Variants in IFI44 observed in about 807,000 individuals in gnomAD.
IFI44 encodes interferon induced protein 44.
IFI44 carries 42 observed loss-of-function variants against 45.0 expected under a neutral mutation model. That is an observed-to-expected ratio of 0.93 (90% confidence interval 0.73 to 1.21). The LOEUF is 1.21. Ranked by LOEUF, IFI44 falls within the 50% of genes most tolerant of loss-of-function variation. IFI44 has a pLI of 0.00. For missense variants in IFI44, 623 were observed against 525.8 expected, an observed-to-expected ratio of 1.18 and a Z score of -1.81; for synonymous variants, 221 against 188.6, an observed-to-expected ratio of 1.17 and a Z score of -1.41.
intron 2 of IFI44, among the ~76,000 whole-genome samples, chr1:78,652,908 A>G (rs1408369113): frequency 6.6e-6 from 1 of 152,156 alleles, no homozygotes; most frequent in African/African-American, 2.4e-5. Context: ...ACATAGTTTT[A>G]TATAAATTTC....
chr1:78,651,150 G>C (rs1415210720), intron 2 of IFI44, among the ~76,000 whole-genome samples: 2 of 152,130 alleles, frequency 1.3e-5, no homozygotes, highest in Non-Finnish European at 2.9e-5. Flanking sequence ...ACAGACTGGT[G>C]GTGGGGGGAT....
intron 2 of IFI44, among the ~76,000 whole-genome samples, chr1:78,653,763 A>C (rs375451410): frequency 2.6e-5 from 4 of 152,166 alleles, no homozygotes; most frequent in South Asian, 4.1e-4. Context: ...CCAATTGTTA[A>C]TAGCAGGTTG....
chr1:78,659,712 A>G (rs1001493529), intron 6 of IFI44, among the ~76,000 whole-genome samples: 2 of 152,244 alleles, frequency 1.3e-5, no homozygotes, highest in Admixed American at 6.5e-5. Flanking sequence ...AATTAGTATA[A>G]TAATAGTACC....
At chr1:78,651,913 T>C (rs893010068) in intron 2 of IFI44, among the ~76,000 whole-genome samples, 2 of 152,154 alleles carry the variant, frequency 1.3e-5, no homozygotes, top group African/African-American at 4.8e-5. Context: ...TACTTAGATA[T>C]TCTGTGTGGC....
At position 78,663,002 on chromosome 1, in the gene IFI44, GC is replaced by G; in HGVS notation, c.1288+125del. ...GGGTTGTTGCCCTGTGATTAGTTCT[GC>G]TTTTTAACCCACTCCCTGGATGCAT... On this transcript the variant is annotated intron_variant, in intron 8 of 8. Coordinates refer to ENST00000370747, the MANE Select transcript of IFI44 (RefSeq NM_006417.5). 3 of 1,560,310 alleles carry G rather than the reference GC, an allele frequency of 1.9e-6. No homozygotes were observed. In the South Asian group the frequency reaches 3.6e-5, roughly 19 times the overall value.
chr1:78,662,589 TCCAATGGGAAA>T, intron 7 of IFI44, 104 bp from the exon 8 acceptor site: 2 of 778,472 alleles, frequency 2.6e-6, no homozygotes, highest in Admixed American at 2.8e-5. Context: ...TCCATTTTTT[TCCAATGGGAAA>T]TTATTGCAAG....
chr1:78,652,854 G>T (rs988793922), intron 2 of IFI44, among the ~76,000 whole-genome samples: 3 of 152,004 alleles, frequency 2.0e-5, no homozygotes, highest in Admixed American at 6.5e-5. Flanking sequence ...GGATCATAGG[G>T]TATGTATATG....
rs762413117 is a variant in IFI44 at position 78,662,864 on chromosome 1, C to T, written c.1274C>T (p.Pro425Leu). 1 of 1,600,834 alleles carries T rather than the reference C, an allele frequency of 6.2e-7. No homozygotes were observed. Among genetic ancestry groups the T allele is most frequent in the Admixed American group, 1.7e-5 (1 of 58,738 alleles). Residue 425 changes from proline (P) to leucine (L), a missense_variant, in exon 8 of 9, where the codon CCT becomes CTT. By Grantham distance (98) the Pro-to-Leu change is moderately conservative. Coordinates refer to ENST00000370747, the MANE Select transcript of IFI44 (RefSeq NM_006417.5). ...WAADDFLEDL[P>L]FEQIGNLREE... ...GCAGATGACTTCTTAGAGGATTTGC[C>T]TTTTGAGCAAATAGGTAGATGGTTT...
In IFI44 at chr1:78,659,301, C is replaced by A; in HGVS notation, c.841-11C>A. The A allele has an allele frequency of 6.3e-7, 1 of 1,599,798 alleles. No homozygotes were observed. Among genetic ancestry groups the A allele is most frequent in the Non-Finnish European group, 8.6e-7 (1 of 1,168,230 alleles). The stretch of plus-strand genomic sequence containing the variant: ...GTTGAATTAATATCTTGCTTTATGT[C>A]TACCTTACAGTTTAATCCCATGGAA... On this transcript the variant is annotated splice_polypyrimidine_tract_variant and intron_variant, in intron 5 of 8. Transcript: ENST00000370747.
At position 78,663,782 on chromosome 1, in the gene IFI44, A is replaced by C; in HGVS notation, c.1306A>C (p.Ile436Leu). The change falls in exon 9 of 9, where the codon ATT (isoleucine) becomes CTT (leucine). Residue 436 changes from isoleucine (I) to leucine (L), a missense_variant. Transcript: ENST00000370747. The part of the protein sequence containing the change: ...FEQIGNLREE[I>L]INCAQGKK ...TTTCTCAGGGAATCTAAGGGAGGAA[A>C]TTATCAACTGTGCACAAGGAAAAAA... is the stretch of plus-strand genomic sequence containing the variant. 1.2e-6 allele frequency: 2 copies of C among 1,612,752 alleles called. No individual in the cohort carries two copies. The highest frequency in any genetic ancestry group is 1.7e-6 in the Non-Finnish European group (2 of 1,179,506).
At chr1:78,651,864 G>T (rs1040372664) in intron 2 of IFI44, among the ~76,000 whole-genome samples, 1 of 152,042 alleles carries the variant, frequency 6.6e-6, no homozygotes, top group Non-Finnish European at 1.5e-5. Context: ...TAATTTCAAA[G>T]ATAGAGGCAA....
intron 2 of IFI44, among the ~76,000 whole-genome samples, chr1:78,652,096 T>G (rs943472083): frequency 2.0e-5 from 3 of 152,162 alleles, no homozygotes; most frequent in African/African-American, 7.2e-5. Flanking sequence ...ATCTGGATTT[T>G]TTTTTTTGAG....
chr1:78,660,574 C>A lies in IFI44; in HGVS notation c.1033C>A (p.Leu345Ile). Residue 345 changes from leucine (L) to isoleucine (I), a missense_variant, in exon 7 of 9, where the codon CTC becomes ATC. By Grantham distance (5) the Leu-to-Ile change is conservative. Coordinates refer to ENST00000370747, the MANE Select transcript of IFI44 (RefSeq NM_006417.5). ...CATAGGTGTGGTACATGTGGCTTTG[C>A]TCACTCATGTGGATAGCATGGATTT... ...VNAGVVHVAL[L>I]THVDSMDLIT... The A allele has an allele frequency of 2.5e-6, 4 of 1,613,278 alleles. No individual in the cohort carries two copies. Among genetic ancestry groups the A allele is most frequent in the Non-Finnish European group, 2.5e-6 (3 of 1,179,360 alleles).
chr1:78,654,290 GTT>G lies in IFI44; in HGVS notation c.494+15_494+16del. 7.2e-7 allele frequency: 1 copy of G among 1,397,984 alleles called. No individual in the cohort carries two copies. The highest frequency in any genetic ancestry group is 1.0e-6 in the Non-Finnish European group (1 of 985,700). 86.6% of individuals were successfully genotyped at this position (1,397,984 alleles called of 1,614,324 possible). On this transcript the variant is annotated intron_variant, in intron 3 of 8. Transcript: ENST00000370747. ...AAAAGGGGTCATTGAGTAAGTCAAT[GTT>G]TTTAAGATTCTATTACTCTCTTCAT...
At chr1:78,653,015 T>G (rs932767089) in intron 2 of IFI44, among the ~76,000 whole-genome samples, 2 of 152,112 alleles carry the variant, frequency 1.3e-5, no homozygotes, top group Non-Finnish European at 2.9e-5. Flanking sequence ...GGTATATGAG[T>G]GGTGATATGA....
At chr1:78,656,630 G>C (rs1647217029) in intron 5 of IFI44, among the ~76,000 whole-genome samples, 1 of 150,996 alleles carries the variant, frequency 6.6e-6, no homozygotes, top group Non-Finnish European at 1.5e-5. Flanking sequence ...TGTTTTTCTT[G>C]GCAATTTTCA....
At chr1:78,662,963 C>T (rs1307171092) in intron 8 of IFI44, 85 bp downstream of exon 8, 2 of 1,607,040 alleles carry the variant, frequency 1.2e-6, no homozygotes, top group Admixed American at 1.7e-5. Context: ...CCTGGCAGCT[C>T]TCTGTCTTTT....
chr1:78,655,155 G>C lies in IFI44; in HGVS notation c.636G>C (p.Gly212=), dbSNP rs1647185958. 6.2e-7 allele frequency: 1 copy of C among 1,613,918 alleles called. No homozygotes were observed. The highest frequency in any genetic ancestry group is 8.5e-7 in the Non-Finnish European group (1 of 1,179,852). The change falls in exon 4 of 9, where the codon GGG becomes GGC. Residue 212 remains glycine (G), a synonymous_variant. Transcript: ENST00000370747. ...FFNSVRSVFQ[G]HVTHQALVGT... The stretch of plus-strand genomic sequence containing the variant: ...ACTCAGTGAGGTCTGTTTTCCAAGG[G>C]CATGTAACGCATCAGGCTTTGGTGG...
Position 78,659,429 on chromosome 1 carries a change from T to G in IFI44, c.958T>G (p.Ser320Ala). The part of the protein sequence containing the change: ...VFDASSIQYF[S>A]SQMIVKIKRI... ...TGATGCCAGCTCTATTCAATACTTC[T>G]CCTCTCAGATGATAGTAAAGATCAA... Residue 320 changes from serine (S) to alanine (A), a missense_variant, in exon 6 of 9, where the codon TCC (serine) becomes GCC (alanine). Transcript: ENST00000370747. 6.2e-7 allele frequency: 1 copy of G among 1,613,568 alleles called. No homozygotes were observed. Among genetic ancestry groups the G allele is most frequent in the Middle Eastern group, 1.7e-4 (1 of 6,058 alleles).
Sources: gnomAD v4.1 joint callset for allele counts (sites outside exome capture counted in the v4.1 genomes callset) on GRCh38, gnomAD v4.1.1 for gene constraint, MANE v1.5 for transcripts, NCBI Gene and HGNC (gene_info 2026-07-23, HGNC 2026-07-21) for gene names.